The following SLC24A2 variants were observed in gnomAD, a reference collection of about 807,000 sequenced individuals.
SLC24A2 encodes the protein solute carrier family 24 member 2.
Under a neutral mutation model 62.0 loss-of-function variants are expected in SLC24A2, and 36 were observed. That is an observed-to-expected ratio of 0.58 (90% CI 0.44 to 0.77). The LOEUF (loss-of-function observed/expected upper bound fraction) is 0.77, where lower values mean the gene tolerates loss of function less well. Ranked by LOEUF, SLC24A2 falls within the 30% of genes least tolerant of loss-of-function variation. SLC24A2 has a pLI of 0.00. For synonymous variants in SLC24A2, 358 were observed against 294.0 expected (o/e 1.22, Z -2.23); for missense variants, 846 against 817.9 (o/e 1.03, Z -0.42).
At chr9:19,729,241 C>G (rs1430817314) in intron 2 of SLC24A2, among the ~76,000 whole-genome samples, 1 of 152,104 alleles carries the variant, frequency 6.6e-6, no homozygotes, top group East Asian at 1.9e-4. Flanking sequence ...ATAACAAATG[C>G]TGGTAGTGAC....
At chr9:19,996,517 A>T in the SLC24A2 span, among the ~76,000 whole-genome samples, 1 of 152,106 alleles carries the variant, frequency 6.6e-6, no homozygotes, top group Non-Finnish European at 1.5e-5. Flanking sequence ...AGGTGCGTGG[A>T]TCACCTGAGG....
the SLC24A2 span, among the ~76,000 whole-genome samples, chr9:20,221,743 T>C: frequency 1.3e-5 from 2 of 152,182 alleles, no homozygotes; most frequent in East Asian, 3.9e-4. Flanking sequence ...TTTCCTTAAC[T>C]ACAGTCAGTG....
chr9:20,249,398 A>G, the SLC24A2 span, among the ~76,000 whole-genome samples: 2 of 152,124 alleles, frequency 1.3e-5, no homozygotes, highest in African/African-American at 4.8e-5. Flanking sequence ...GGTTTGTCAT[A>G]AGGATTAAAT....
At chr9:19,708,077 G>A (rs1014061810) in intron 2 of SLC24A2, among the ~76,000 whole-genome samples, 10 of 152,188 alleles carry the variant, frequency 6.6e-5, no homozygotes, top group African/African-American at 2.4e-4. Flanking sequence ...GAAAATCAAT[G>A]TGCAAAAATC....
chr9:19,553,181 G>A (rs1298012908), intron 7 of SLC24A2, among the ~76,000 whole-genome samples: 3 of 152,214 alleles, frequency 2.0e-5, no homozygotes, highest in Non-Finnish European at 4.4e-5. Flanking sequence ...ATGGGAGGCA[G>A]TTTGCAAGCT....
intron 5 of SLC24A2, among the ~76,000 whole-genome samples, chr9:19,577,717 G>A (rs190814419): frequency 4.6e-5 from 7 of 152,044 alleles, no homozygotes; most frequent in Admixed American, 4.6e-4. Flanking sequence ...AGATGCTTTG[G>A]GAATGGTGCT....
intron 7 of SLC24A2, among the ~76,000 whole-genome samples, chr9:19,561,580 G>A (rs1308523231): frequency 6.6e-6 from 1 of 151,646 alleles, no homozygotes; most frequent in African/African-American, 2.4e-5. Context: ...GACTACAGGT[G>A]CGTGCCACCA....
chr9:20,242,333 G>C, the SLC24A2 span, among the ~76,000 whole-genome samples: 1 of 152,194 alleles, frequency 6.6e-6, no homozygotes, highest in Non-Finnish European at 1.5e-5. Context: ...TAACTAAAGA[G>C]GAAAGACTTC....
the SLC24A2 span, among the ~76,000 whole-genome samples, chr9:20,183,310 T>C: frequency 6.6e-6 from 1 of 152,196 alleles, no homozygotes; most frequent in African/African-American, 2.4e-5. Flanking sequence ...TATTTTGTAT[T>C]ATGGATCATA....
chr9:20,123,922 C>T, the SLC24A2 span, among the ~76,000 whole-genome samples: 1 of 152,124 alleles, frequency 6.6e-6, no homozygotes, highest in Non-Finnish European at 1.5e-5. Flanking sequence ...GTATAGTGCT[C>T]ACTAGCATTT....
At chr9:19,716,097 T>C (rs955940619) in intron 2 of SLC24A2, among the ~76,000 whole-genome samples, 4 of 152,218 alleles carry the variant, frequency 2.6e-5, no homozygotes, top group Non-Finnish European at 4.4e-5. Context: ...GAAAGATAAA[T>C]AATCTACTTA....
chr9:19,652,368 T>C (rs888117165), intron 2 of SLC24A2, among the ~76,000 whole-genome samples: 4 of 152,182 alleles, frequency 2.6e-5, no homozygotes, highest in Non-Finnish European at 5.9e-5. Context: ...TGTGATTAAG[T>C]TAAGGATCTT....
At chr9:19,827,213 C>A in the SLC24A2 span, among the ~76,000 whole-genome samples, 1 of 152,140 alleles carries the variant, frequency 6.6e-6, no homozygotes, top group South Asian at 2.1e-4. Flanking sequence ...CAGCTTTGGT[C>A]TGTCGTCTCC....
the SLC24A2 span, among the ~76,000 whole-genome samples, chr9:20,074,466 T>C: frequency 0.037 from 5,626 of 151,874 alleles, 131 homozygotes; most frequent in Middle Eastern, 0.058. Flanking sequence ...ATTAATGGTA[T>C]TGCTGGCAAC....
rs779485305 is a variant in SLC24A2 at position 19,516,122 on chromosome 9, A to C, written c.*31T>G. Reference sequence around the variant, plus strand: ...AGCCCAGAGTGTGGAGGGACCATTCATGCTGCTGGTGCAAGATATGGCTTT... The same window carrying C: ...AGCCCAGAGTGTGGAGGGACCATTCCTGCTGCTGGTGCAAGATATGGCTTT... On this transcript the variant is annotated 3_prime_UTR_variant, in exon 11 of 11. Transcript: ENST00000341998. 6 of 1,613,616 alleles carry C rather than the reference A, an allele frequency of 3.7e-6. No individual in the cohort carries two copies. The Admixed American group carries it at 5.0e-5, about 13-fold the overall frequency.
At chr9:19,765,047 A>G (rs1385242030) in intron 2 of SLC24A2, among the ~76,000 whole-genome samples, 1 of 152,024 alleles carries the variant, frequency 6.6e-6, no homozygotes, top group Non-Finnish European at 1.5e-5. Context: ...ACCATTATGT[A>G]ATGACCTTCT....
chr9:20,284,105 G>T, the SLC24A2 span, among the ~76,000 whole-genome samples: 1 of 152,092 alleles, frequency 6.6e-6, no homozygotes, highest in South Asian at 2.1e-4. Flanking sequence ...TGCGATAATT[G>T]CCGAACTATC....
the SLC24A2 span, among the ~76,000 whole-genome samples, chr9:20,039,253 A>G: frequency 2.0e-5 from 3 of 152,068 alleles, no homozygotes; most frequent in African/African-American, 7.2e-5. Context: ...CAAAGGGACT[A>G]CCTGTGTTCT....
At chr9:20,017,395 A>G in the SLC24A2 span, among the ~76,000 whole-genome samples, 1 of 152,184 alleles carries the variant, frequency 6.6e-6, no homozygotes. Flanking sequence ...ATTTTTTGGC[A>G]CAAAAATATC....
Sources: allele counts gnomAD v4.1 joint callset (sites outside exome capture counted in the v4.1 genomes callset), GRCh38; gene constraint gnomAD v4.1.1; transcripts MANE v1.5; gene names NCBI Gene and HGNC (gene_info 2026-07-23, HGNC 2026-07-21).